The following DLG2 variants were observed in gnomAD, a reference collection of about 807,000 sequenced individuals.
DLG2 encodes disks large homolog 2.
A neutral mutation model predicts 132.5 loss-of-function variants in DLG2; 45 were observed. That is an observed-to-expected ratio of 0.34 (90% CI 0.27 to 0.44). The LOEUF (loss-of-function observed/expected upper bound fraction) is 0.44. Ranked by LOEUF, DLG2 falls within the 20% of genes least tolerant of loss-of-function variation. The pLI is 1.00. For missense variants in DLG2, 1,045 were observed against 1,196.9 expected (o/e 0.87, Z 1.87); for synonymous variants, 424 against 419.6 (o/e 1.01, Z -0.13).
At chr11:85,566,060 G>A (rs2077510282) in intron 3 of DLG2, among the ~76,000 whole-genome samples, 1 of 152,148 alleles carries the variant, frequency 6.6e-6, no homozygotes, top group Non-Finnish European at 1.5e-5. Flanking sequence ...GGTGTGAAGT[G>A]ATATCACTTT....
chr11:84,381,139 C>G (rs888730356), intron 7 of DLG2, among the ~76,000 whole-genome samples: 1 of 151,754 alleles, frequency 6.6e-6, no homozygotes, highest in Non-Finnish European at 1.5e-5. Flanking sequence ...AAAAAAATGA[C>G]AAATTTCCTG....
intron 6 of DLG2, among the ~76,000 whole-genome samples, chr11:84,912,886 A>G (rs992013153): frequency 3.9e-5 from 6 of 152,242 alleles, no homozygotes; most frequent in East Asian, 1.9e-4. Context: ...ATGGATGGCC[A>G]GTTCTTATCT....
chr11:83,723,596 T>A (rs944380554), intron 18 of DLG2, among the ~76,000 whole-genome samples: 16 of 152,156 alleles, frequency 1.1e-4, no homozygotes, highest in African/African-American at 3.4e-4. Flanking sequence ...GGCTCACGCC[T>A]GTAATCTCAG....
At chr11:85,174,423 T>C (rs984190242) in intron 4 of DLG2, among the ~76,000 whole-genome samples, 2 of 151,854 alleles carry the variant, frequency 1.3e-5, no homozygotes, top group African/African-American at 2.4e-5. Flanking sequence ...TTGAAACAAA[T>C]GAAAACAATA....
chr11:83,499,118 T>A (rs10751093), intron 21 of DLG2, among the ~76,000 whole-genome samples: 1 of 151,856 alleles, frequency 6.6e-6, no homozygotes, highest in Non-Finnish European at 1.5e-5. Context: ...GTGAATTCTA[T>A]TAAACACCAT....
chr11:85,221,144 G>C (rs575250045), intron 4 of DLG2, among the ~76,000 whole-genome samples: 2 of 151,658 alleles, frequency 1.3e-5, no homozygotes, highest in African/African-American at 4.8e-5. Flanking sequence ...CTGGGTTCAT[G>C]CCATTCTCCT....
At chr11:84,772,589 A>G (rs1288775677) in intron 6 of DLG2, among the ~76,000 whole-genome samples, 1 of 152,194 alleles carries the variant, frequency 6.6e-6, no homozygotes, top group Non-Finnish European at 1.5e-5. Flanking sequence ...AAATCATACT[A>G]ACTATACTCT....
intron 6 of DLG2, among the ~76,000 whole-genome samples, chr11:84,953,783 A>T (rs2051266675): frequency 6.6e-6 from 1 of 152,108 alleles, no homozygotes; most frequent in Admixed American, 6.6e-5. Context: ...CCTTCAATGC[A>T]TTCCTATTTC....
intron 6 of DLG2, among the ~76,000 whole-genome samples, chr11:84,927,269 G>T (rs1291479365): frequency 6.6e-6 from 1 of 151,968 alleles, no homozygotes; most frequent in Non-Finnish European, 1.5e-5. Flanking sequence ...AAAATAAGGA[G>T]ATTGGACTAT....
intron 7 of DLG2, among the ~76,000 whole-genome samples, chr11:84,470,643 A>G (rs774229568): frequency 6.6e-6 from 1 of 151,836 alleles, no homozygotes; most frequent in Non-Finnish European, 1.5e-5. Flanking sequence ...ATACAATTGC[A>G]TAAATGGTAA....
chr11:85,366,667 G>T (rs149430010), intron 3 of DLG2, among the ~76,000 whole-genome samples: 2 of 152,026 alleles, frequency 1.3e-5, no homozygotes, highest in Non-Finnish European at 2.9e-5. Context: ...CAGAATTTTT[G>T]GGGGGTAGAG....
chr11:83,767,538 G>A (rs185455305), intron 18 of DLG2, among the ~76,000 whole-genome samples: 1 of 152,290 alleles, frequency 6.6e-6, no homozygotes, highest in Non-Finnish European at 1.5e-5. Flanking sequence ...AGAGCAGGGA[G>A]GCTACAGCCA....
intron 6 of DLG2, among the ~76,000 whole-genome samples, chr11:85,046,535 C>T (rs1227360482): frequency 4.6e-5 from 7 of 151,532 alleles, no homozygotes; most frequent in Non-Finnish European, 8.8e-5. Context: ...GTAGACTATT[C>T]CTAATGTAAT....
intron 6 of DLG2, among the ~76,000 whole-genome samples, chr11:85,084,234 G>A (rs2154173075): frequency 6.6e-6 from 1 of 152,230 alleles, no homozygotes; most frequent in Non-Finnish European, 1.5e-5. Context: ...GAGAATTTCT[G>A]GAGCAATGTT....
At position 85,224,700 on chromosome 11, in the gene DLG2, T is replaced by C. The variant is rs1045785204; in HGVS notation, c.186+60520A>G. On this transcript the variant is annotated intron_variant, in intron 4 of 27. Coordinates refer to ENST00000376104, the MANE Select transcript of DLG2 (RefSeq NM_001142699.3). ...TTTTTGTATTTTCAAAATTGTATAA[T>C]AAATCAAAATTTCTTTTATGATTAG... 2.6e-5 allele frequency among the ~76,000 whole-genome samples: 4 copies of C among 152,164 alleles called. No individual in the cohort carries two copies. The East Asian group carries it at 7.7e-4, about 29-fold the overall frequency.
chr11:85,227,327 A>G (rs540936315), intron 4 of DLG2, among the ~76,000 whole-genome samples: 2 of 152,276 alleles, frequency 1.3e-5, no homozygotes, highest in African/African-American at 4.8e-5. Context: ...AAAGAAAAAG[A>G]AAAAGTCTTG....
chr11:84,795,381 A>G (rs1276555883), intron 6 of DLG2, among the ~76,000 whole-genome samples: 1 of 151,974 alleles, frequency 6.6e-6, no homozygotes, highest in Non-Finnish European at 1.5e-5. Flanking sequence ...CTCTGCTGAA[A>G]GCTGAACACT....
chr11:84,422,767 C>A (rs896530047), intron 7 of DLG2, among the ~76,000 whole-genome samples: 4 of 152,098 alleles, frequency 2.6e-5, no homozygotes, highest in Non-Finnish European at 4.4e-5. Context: ...CATTTATGTT[C>A]CAGTAAATGG....
At chr11:84,752,062 C>T (rs2066184288) in intron 6 of DLG2, among the ~76,000 whole-genome samples, 1 of 152,136 alleles carries the variant, frequency 6.6e-6, no homozygotes, top group African/African-American at 2.4e-5. Context: ...TTCAAAAACT[C>T]AAATCTTCCA....
Sources: allele counts gnomAD v4.1 joint callset (sites outside exome capture counted in the v4.1 genomes callset), GRCh38; gene constraint gnomAD v4.1.1; transcripts MANE v1.5; gene names NCBI Gene and HGNC (gene_info 2026-07-23, HGNC 2026-07-21).